Variants in RNF212 observed in about 807,000 individuals in gnomAD.
The protein encoded by RNF212 is probable E3 SUMO-protein ligase RNF212.
In RNF212, 33 loss-of-function variants were observed where a neutral mutation model predicts 34.7. The ratio of observed to expected loss-of-function variants is 0.95; its 90% confidence interval spans 0.72 to 1.27. The LOEUF (loss-of-function observed/expected upper bound fraction) is 1.27. Among genes scored for constraint, RNF212 ranks in the 50% most tolerant of loss-of-function variants. The pLI, the probability that RNF212 is intolerant of heterozygous loss-of-function variation, is 0.00. For synonymous variants in RNF212, 140 were observed against 136.1 expected (o/e 1.03, Z -0.20); for missense variants, 377 against 362.2 (o/e 1.04, Z -0.33).
intron 2 of RNF212, among the ~76,000 whole-genome samples, chr4:1,098,933 G>A (rs1326001068): frequency 6.6e-6 from 1 of 152,200 alleles, no homozygotes; most frequent in Non-Finnish European, 1.5e-5. Context: ...GGGAGCAACT[G>A]AAGAAGCTGT....
In RNF212 at chr4:1,113,533, C is replaced by G. The variant is rs1162222808; in HGVS notation, c.-69G>C. ...CCCACGCAAGGTTGGGACCAGCCTC[C>G]CCGCGCAGGGCCCGAAGGCGGGCAG... On this transcript the variant is annotated 5_prime_UTR_variant, in exon 1 of 10. Coordinates refer to ENST00000433731, the MANE Select transcript of RNF212 (RefSeq NM_001131034.4). The G allele has an allele frequency of 7.5e-7, 1 of 1,325,702 alleles. No homozygotes were observed. The highest frequency in any genetic ancestry group is 1.1e-6 in the Non-Finnish European group (1 of 949,600). The allele number at this position is 1,325,702 out of a possible 1,614,324, so 82.1% of individuals were successfully genotyped here. A position where few individuals can be genotyped will look rare whatever the true frequency, so the allele number is the denominator to read the frequency against.
In RNF212 at chr4:1,090,833, TA is replaced by T; in HGVS notation, c.251del (p.Leu84Ter). ...TCTTCCTGTGTTTTTCTTGAAATTC[TA>T]AAATCTGAAAAGATCATAGGTTTCA... ...KKYSRETSQI[L>X]EFQEKHRKRL... On this transcript the variant is annotated frameshift_variant, in exon 4 of 10. Coordinates refer to ENST00000433731, the MANE Select transcript of RNF212 (RefSeq NM_001131034.4). LOFTEE classifies it high-confidence loss of function. The T allele has an allele frequency of 6.3e-7, 1 of 1,587,480 alleles. No individual in the cohort carries two copies. Among genetic ancestry groups the T allele is most frequent in the Non-Finnish European group, 8.6e-7 (1 of 1,156,582 alleles).
chr4:1,056,794 C>G (rs1577592746), intron 4 of RNF212: 1 of 974,890 alleles, frequency 1.0e-6, no homozygotes, highest in Non-Finnish European at 1.2e-6. Flanking sequence ...TACACACGCA[C>G]TTTCCCAAGA....
chr4:1,108,921 GAACTCCTGGGCTCA>G (rs1437442667), intron 1 of RNF212, among the ~76,000 whole-genome samples: 1 of 151,704 alleles, frequency 6.6e-6, no homozygotes, highest in Non-Finnish European at 1.5e-5. Flanking sequence ...CACTGGGCTC[GAACTCCTGGGCTCA>G]AACAATCCTC....
chr4:1,096,624 A>C, intron 3 of RNF212, 141 bp downstream of exon 3: 1 of 699,182 alleles, frequency 1.4e-6, no homozygotes, highest in Non-Finnish European at 2.5e-6. Flanking sequence ...TCACAGAACC[A>C]AGCACACCCC....
chr4:1,105,314 C>T lies in RNF212; in HGVS notation c.171+3029G>A, dbSNP rs111491041. Among the ~76,000 whole-genome samples the T allele has an allele frequency of 3.8e-3, 582 of 152,302 alleles. 4 individuals are homozygous for T. Among genetic ancestry groups the T allele is most frequent in the African/African-American group, 0.012 (506 of 41,562 alleles). ...CGCTCACCGGAGTCTCCCTTCCTGG[C>T]GGCCCAGCCACCCACCACATCCCCA... On this transcript the variant is annotated intron_variant, in intron 2 of 9. Coordinates refer to ENST00000433731, the MANE Select transcript of RNF212 (RefSeq NM_001131034.4).
chr4:1,063,300 A>G lies in RNF212; in HGVS notation n.148-4907T>C, dbSNP rs74811778. ...GGAAAACTCACACTTCATAATTTCA[A>G]AAGTTACTATAAAGCTTTAGTAAGT... On this transcript the variant is annotated intron_variant and non_coding_transcript_variant, in intron 3 of 4. Coordinates refer to the RNF212 transcript ENST00000503206. Among the ~76,000 whole-genome samples the G allele has an allele frequency of 7.5e-3, 1,141 of 152,366 alleles. 14 individuals are homozygous for G. Among genetic ancestry groups the G allele is most frequent in the African/African-American group, 0.026 (1,086 of 41,592 alleles).
intron 5 of RNF212, among the ~76,000 whole-genome samples, chr4:1,084,006 T>TG (rs1720788010): frequency 6.8e-6 from 1 of 147,444 alleles, no homozygotes; most frequent in South Asian, 2.1e-4. Context: ...TGGAGTGCAA[T>TG]GGCATGATCT....
At chr4:1,101,302 GT>G in intron 2 of RNF212, 2 of 325,956 alleles carry the variant, frequency 6.1e-6, no homozygotes, top group Non-Finnish European at 1.2e-5. Flanking sequence ...TAATTGTATT[GT>G]TTTATTATTG....
chr4:1,089,352 T>C (rs1288690911), intron 4 of RNF212, among the ~76,000 whole-genome samples: 2 of 152,264 alleles, frequency 1.3e-5, no homozygotes, highest in African/African-American at 4.8e-5. Context: ...TGCAGCCCCT[T>C]TGTTTTGGTC....
chr4:1,103,976 A>G (rs1292927329), intron 2 of RNF212, among the ~76,000 whole-genome samples: 1 of 152,264 alleles, frequency 6.6e-6, no homozygotes, highest in Non-Finnish European at 1.5e-5. Flanking sequence ...TAAATGTTCT[A>G]GCAGAATCTA....
At chr4:1,063,665 A>C (rs6814276) in intron 3 of RNF212, among the ~76,000 whole-genome samples, 1 of 149,172 alleles carries the variant, frequency 6.7e-6, no homozygotes, top group Non-Finnish European at 1.5e-5. Flanking sequence ...ATTGCACTCC[A>C]GCTTGGGCAA....
intron 7 of RNF212, among the ~76,000 whole-genome samples, chr4:1,080,910 C>T (rs1720231571): frequency 6.6e-6 from 1 of 152,248 alleles, no homozygotes; most frequent in Non-Finnish European, 1.5e-5. Context: ...CTCCCTGTGC[C>T]AGAGTGATGG....
chr4:1,073,425 T>G (rs1182212978), intron 9 of RNF212, among the ~76,000 whole-genome samples, 174 bp downstream of exon 9: 2 of 152,116 alleles, frequency 1.3e-5, no homozygotes, highest in Non-Finnish European at 2.9e-5. Context: ...AGCTTCTCCC[T>G]GGAAGGACTC....
At chr4:1,099,534 G>A (rs1358176943) in intron 2 of RNF212, among the ~76,000 whole-genome samples, 2 of 152,168 alleles carry the variant, frequency 1.3e-5, no homozygotes, top group African/African-American at 4.8e-5. Context: ...GGGGATCGGT[G>A]AGAGCTGAGG....
intron 8 of RNF212, 134 bp downstream of exon 8, chr4:1,079,509 C>A (rs1262893148): frequency 2.8e-6 from 2 of 726,744 alleles, no homozygotes; most frequent in Non-Finnish European, 5.0e-6. Context: ...CCCACGGGAC[C>A]AGCACACGAA....
At chr4:1,109,010 C>CCTT (rs1725248813) in intron 1 of RNF212, among the ~76,000 whole-genome samples, 2 of 135,842 alleles carry the variant, frequency 1.5e-5, no homozygotes, top group Admixed American at 7.6e-5. Flanking sequence ...CATAATTAGC[C>CCTT]TTTTTTTTTT....
chr4:1,063,199 A>G (rs1717863862), intron 3 of RNF212, among the ~76,000 whole-genome samples: 1 of 152,212 alleles, frequency 6.6e-6, no homozygotes, highest in Admixed American at 6.5e-5. Context: ...CAGAAATGGG[A>G]AAGTTGATCC....
rs1718688445 is a variant in RNF212, at chr4:1,073,024, G to C, written c.744C>G (p.Thr248=). 1 of 1,614,046 alleles carries C rather than the reference G, an allele frequency of 6.2e-7. No individual in the cohort carries two copies. Among genetic ancestry groups the C allele is most frequent in the Admixed American group, 1.7e-5 (1 of 59,994 alleles). The change falls in exon 10 of 10, where the codon ACC becomes ACG. Residue 248 remains threonine, a synonymous_variant. Coordinates refer to ENST00000433731, the MANE Select transcript of RNF212 (RefSeq NM_001131034.4). ...CATATATTGGAAGTGTTTTAGAGTT[G>C]GTGAGTTCCCCGTGCCTTCCAGAAC... ...AFSSGRHGEL[T]NSKTLPIYAE...
Sources: gnomAD v4.1 joint callset for allele counts (sites outside exome capture counted in the v4.1 genomes callset) on GRCh38, gnomAD v4.1.1 for gene constraint, MANE v1.5 for transcripts, NCBI Gene and HGNC (gene_info 2026-07-23, HGNC 2026-07-21) for gene names.